HPD: variants seen among roughly 807,000 people sequenced by gnomAD.
HPD encodes 4-hydroxyphenylpyruvate dioxygenase.
A neutral mutation model predicts 56.9 loss-of-function variants in HPD; 35 were observed. The observed-to-expected ratio is 0.62, with a 90% CI of 0.47 to 0.82. The LOEUF is 0.82. Among genes scored for constraint, HPD ranks in the 40% least tolerant of loss-of-function variants. The probability of loss-of-function intolerance (pLI) is 0.00; values close to 1 mark genes in which losing one functional copy is unlikely to be tolerated. For synonymous variants in HPD, 186 were observed against 200.2 expected, an observed-to-expected ratio of 0.93 and a Z score of 0.60; for missense variants, 442 against 506.8, an observed-to-expected ratio of 0.87 and a Z score of 1.23.
rs994323277 is a variant in HPD, at chr12:121,839,627, G to C, written c.*101C>G. 2.3e-6 allele frequency: 2 copies of C among 884,362 alleles called. No homozygotes were observed. Among genetic ancestry groups the C allele is most frequent in the African/African-American group, 3.3e-5 (2 of 61,162 alleles). 54.8% of individuals were successfully genotyped at this position (884,362 alleles called of 1,614,324 possible). On this transcript the variant is annotated 3_prime_UTR_variant, in exon 14 of 14. Transcript: ENST00000289004. ...GGAGCCTTGGGGGCCGAGTCCGCTGGTGGGCGGGACCCAAGGGGAGCAGCC... is the reference window on the plus strand; with the variant it reads ...GGAGCCTTGGGGGCCGAGTCCGCTGCTGGGCGGGACCCAAGGGGAGCAGCC...
intron 6 of HPD, 86 bp from the exon 7 acceptor site, chr12:121,854,878 G>T: frequency 9.5e-7 from 1 of 1,055,600 alleles, no homozygotes; most frequent in Non-Finnish European, 1.5e-6. Context: ...TGGCCTCTGC[G>T]TGGTCCTGCA....
the HPD span, among the ~76,000 whole-genome samples, chr12:121,871,335 A>C: frequency 6.6e-6 from 1 of 151,610 alleles, no homozygotes; most frequent in East Asian, 1.9e-4. Context: ...ACTGCACTCC[A>C]GCCTGGGTGA....
rs1391814981 is a variant in HPD, at chr12:121,839,535, G to A, written c.*193C>T. On this transcript the variant is annotated 3_prime_UTR_variant, in exon 14 of 14. Transcript: ENST00000289004. ...CAAACACAGACACAGTATTGGACCG[G>A]GGCACGCTTTAATCGGGAGGGCTGG... is the stretch of plus-strand genomic sequence containing the variant. 5 of 624,994 alleles carry A rather than the reference G, an allele frequency of 8.0e-6. No individual in the cohort carries two copies. In the East Asian group the frequency reaches 8.2e-5, roughly 10 times the overall value. 38.7% of individuals were successfully genotyped at this position (624,994 alleles called of 1,614,324 possible).
chr12:121,853,639 GA>G (rs1472744729), intron 7 of HPD, among the ~76,000 whole-genome samples: 1 of 132,028 alleles, frequency 7.6e-6, no homozygotes, highest in African/African-American at 2.8e-5. Flanking sequence ...AAAAAAAAAA[GA>G]AAAAAGAAAG....
the HPD span, among the ~76,000 whole-genome samples, chr12:121,885,412 G>C: frequency 6.7e-6 from 1 of 150,274 alleles, no homozygotes; most frequent in Non-Finnish European, 1.5e-5. Flanking sequence ...ATGTTGGCCA[G>C]GATGGTCTCC....
At chr12:121,882,890 A>G in the HPD span, among the ~76,000 whole-genome samples, 1 of 151,692 alleles carries the variant, frequency 6.6e-6, no homozygotes, top group African/African-American at 2.4e-5. Flanking sequence ...CTGCCACCAA[A>G]CCCAACTAAT....
chr12:121,854,825 G>C, intron 6 of HPD, 33 bp from the exon 7 acceptor site: 1 of 1,541,650 alleles, frequency 6.5e-7, no homozygotes, highest in Non-Finnish European at 9.0e-7. Context: ...GAATTGGTGA[G>C]GGCTGGAGCC....
rs1878053221 is a variant in HPD, at chr12:121,857,648, T to G, written c.93+109A>C. On this transcript the variant is annotated intron_variant, in intron 3 of 13. Coordinates refer to ENST00000289004, the MANE Select transcript of HPD (RefSeq NM_002150.3). The stretch of plus-strand genomic sequence containing the variant: ...CAGAGTATCTGGCCCACCCCTGGCC[T>G]GATCCTCCCTCCCAAGGGCCAATCA... 3 of 1,013,884 alleles carry G rather than the reference T, an allele frequency of 3.0e-6. No homozygotes were observed. In the East Asian group the frequency reaches 7.3e-5, roughly 25 times the overall value. The allele number at this position is 1,013,884 out of a possible 1,614,324, so 62.8% of individuals were successfully genotyped here.
At position 121,840,054 on chromosome 12, in the gene HPD, C is replaced by T; in HGVS notation, c.955-6G>A. 2 of 1,595,176 alleles carry T rather than the reference C, an allele frequency of 1.3e-6. No individual in the cohort carries two copies. The highest frequency in any genetic ancestry group is 1.7e-6 in the Non-Finnish European group (2 of 1,162,956). On this transcript the variant is annotated splice_region_variant and splice_polypyrimidine_tract_variant and intron_variant, in intron 12 of 13. Coordinates refer to ENST00000289004, the MANE Select transcript of HPD (RefSeq NM_002150.3). ...TCCACCAGGATTTTCAGCTCCTAGG[C>T]GGGAGACAGGGGGCTCTGCTAGGGG...
chr12:121,847,155 G>C lies in HPD; in HGVS notation c.656C>G (p.Thr219Arg). The change falls in exon 10 of 14, where the codon ACG becomes AGG. Residue 219 changes from threonine to arginine, a missense_variant. By Grantham distance (71) the Thr-to-Arg change is moderately conservative. Transcript: ENST00000289004. ...AATGGATCGCAGAGAGCTATATTCC[G>C]TGTGCACCTGCGTGTCATCCACGGA... ...FWSVDDTQVHTEYSSLRSIVV... is the reference protein window; with the variant it reads ...FWSVDDTQVHREYSSLRSIVV... 1 of 1,614,060 alleles carries C rather than the reference G, an allele frequency of 6.2e-7. No individual in the cohort carries two copies. Among genetic ancestry groups the C allele is most frequent in the Non-Finnish European group, 8.5e-7 (1 of 1,179,972 alleles).
intron 12 of HPD, among the ~76,000 whole-genome samples, chr12:121,842,072 G>C (rs150160048): frequency 8.7e-4 from 133 of 152,128 alleles, no homozygotes; most frequent in African/African-American, 3.1e-3. Context: ...GGGTGGGAGG[G>C]GGGAAGGGAA....
At chr12:121,841,314 G>C (rs1486481906) in intron 12 of HPD, among the ~76,000 whole-genome samples, 1 of 152,126 alleles carries the variant, frequency 6.6e-6, no homozygotes, top group African/African-American at 2.4e-5. Context: ...AGGTTGCAAT[G>C]GGCCAAGATC....
chr12:121,883,632 G>A, the HPD span, among the ~76,000 whole-genome samples: 6 of 151,020 alleles, frequency 4.0e-5, no homozygotes, highest in Non-Finnish European at 2.9e-5. Flanking sequence ...AACCTCAGAA[G>A]AACTGCAAGA....
chr12:121,874,337 C>T, the HPD span: 1 of 152,150 alleles, frequency 6.6e-6, no homozygotes, highest in African/African-American at 2.4e-5. Context: ...AGTTCCTAGG[C>T]CGTGTGCGGT....
the HPD span, chr12:121,874,358 T>G: frequency 6.6e-6 from 1 of 152,172 alleles, no homozygotes; most frequent in African/African-American, 2.4e-5. Flanking sequence ...GGCTCACATC[T>G]GTAATCCTAG....
upstream of HPD, among the ~76,000 whole-genome samples, chr12:121,862,809 T>TA (rs1347367787): frequency 2.1e-5 from 3 of 144,818 alleles, no homozygotes; most frequent in African/African-American, 7.7e-5. Context: ...GCCTCCGGAG[T>TA]AGCTGGGAAT....
chr12:121,868,219 T>C (rs1026435414), upstream of HPD, among the ~76,000 whole-genome samples: 5 of 152,322 alleles, frequency 3.3e-5, no homozygotes, highest in East Asian at 9.6e-4. Context: ...CACTGCTTAG[T>C]TGCTTTCTGT....
chr12:121,862,302 T>C (rs927568892), upstream of HPD, among the ~76,000 whole-genome samples: 1 of 151,632 alleles, frequency 6.6e-6, no homozygotes, highest in Non-Finnish European at 1.5e-5. Context: ...GCATTTCTTT[T>C]TTTTTTTTTT....
At chr12:121,857,280 A>G (rs373332497) in intron 4 of HPD, 48 bp downstream of exon 4, 143 of 1,206,416 alleles carry the variant, frequency 1.2e-4, no homozygotes, top group Non-Finnish European at 1.7e-4. Context: ...GGGTTTCACC[A>G]TGTTGGCCAG....
Sources: allele counts gnomAD v4.1 joint callset (sites outside exome capture counted in the v4.1 genomes callset), GRCh38; gene constraint gnomAD v4.1.1; transcripts MANE v1.5; gene names NCBI Gene and HGNC (gene_info 2026-07-23, HGNC 2026-07-21).